FBXW10: variants seen among roughly 807,000 people sequenced by gnomAD.
FBXW10 encodes F-box and WD repeat domain containing 10, also known as F-box/WD repeat-containing protein 10.
Under a neutral mutation model 113.1 loss-of-function variants are expected in FBXW10, and 68 were observed. The ratio of observed to expected loss-of-function variants is 0.60; its 90% CI spans 0.49 to 0.74. FBXW10 has a LOEUF of 0.74. Ranked by LOEUF, FBXW10 falls within the 30% of genes least tolerant of loss-of-function variation. The pLI, the probability that FBXW10 is intolerant of heterozygous loss-of-function variation, is 0.00. For missense variants in FBXW10, 753 were observed against 1,284.5 expected, an observed-to-expected ratio of 0.59 and a Z score of 6.32; for synonymous variants, 289 against 481.6, an observed-to-expected ratio of 0.60 and a Z score of 5.24.
chr17:18,750,350 G>A lies in FBXW10; in HGVS notation c.999+213G>A, dbSNP rs2035140216. Among the ~76,000 whole-genome samples, 4 of 152,292 alleles carry A rather than the reference G, an allele frequency of 2.6e-5. No homozygotes were observed. In the South Asian group the frequency reaches 8.3e-4, roughly 32 times the overall value. Reference sequence around the variant, plus strand: ...GTCAGTGCATCTCACAAGGACAATAGGGATAGAGACCGCTCAGGAGCAGAG... The same window carrying A: ...GTCAGTGCATCTCACAAGGACAATAAGGATAGAGACCGCTCAGGAGCAGAG... On this transcript the variant is annotated intron_variant, in intron 4 of 13. Coordinates refer to ENST00000395665, the MANE Select transcript of FBXW10 (RefSeq NM_001267585.2).
intron 1 of FBXW10, among the ~76,000 whole-genome samples, chr17:18,745,603 A>T (rs1394458248): frequency 6.6e-6 from 1 of 151,760 alleles, no homozygotes; most frequent in Non-Finnish European, 1.5e-5. Context: ...TTTAGTAGAG[A>T]TGGGGTTTCA....
At chr17:18,746,825 A>G (rs1567613882) in intron 1 of FBXW10, among the ~76,000 whole-genome samples, 2 of 152,060 alleles carry the variant, frequency 1.3e-5, no homozygotes, top group African/African-American at 2.4e-5. Context: ...GCAATGCTCC[A>G]CAGTGCTCTT....
At chr17:18,770,412 T>C (rs533763506) in intron 11 of FBXW10, among the ~76,000 whole-genome samples, 7 of 152,098 alleles carry the variant, frequency 4.6e-5, no homozygotes, top group African/African-American at 1.7e-4. Context: ...CAAGCAATTC[T>C]CTGCCTCAGC....
chr17:18,762,487 A>G (rs1287551316), intron 7 of FBXW10, among the ~76,000 whole-genome samples: 2 of 149,998 alleles, frequency 1.3e-5, no homozygotes, highest in Non-Finnish European at 3.0e-5. Context: ...CCGGCGGCTA[A>G]TGTTTTTTTG....
chr17:18,751,580 A>C (rs1355958055), intron 5 of FBXW10, among the ~76,000 whole-genome samples: 1 of 152,078 alleles, frequency 6.6e-6, no homozygotes, highest in Non-Finnish European at 1.5e-5. Context: ...GGATGGGTGG[A>C]TTGATTTGGT....
chr17:18,770,004 T>C lies in FBXW10; in HGVS notation c.1925T>C (p.Phe642Ser). The change falls in exon 11 of 14, where the codon TTC becomes TCC. Residue 642 changes from phenylalanine to serine, a missense_variant. Coordinates refer to ENST00000395665, the MANE Select transcript of FBXW10 (RefSeq NM_001267585.2). ...CADGKIRIYN[F>S]LNGNCMKVLK... ...GATGGCAAGATCCGAATTTACAATT[T>C]CCTCAACGGGAACTGTATGAAGGTG... 6.2e-7 allele frequency: 1 copy of C among 1,614,194 alleles called. No homozygotes were observed. The highest frequency in any genetic ancestry group is 8.5e-7 in the Non-Finnish European group (1 of 1,180,038).
intron 7 of FBXW10, among the ~76,000 whole-genome samples, chr17:18,759,629 T>C (rs949581783): frequency 1.3e-5 from 2 of 152,062 alleles, no homozygotes; most frequent in Admixed American, 1.3e-4. Flanking sequence ...GTTTTTTTTT[T>C]TGAGATGGAG....
chr17:18,769,881 A>G, intron 10 of FBXW10, 46 bp from the exon 11 acceptor site: 1 of 1,596,366 alleles, frequency 6.3e-7, no homozygotes, highest in Non-Finnish European at 8.5e-7. Flanking sequence ...AAACCCAGGC[A>G]TTTTACGAGA....
chr17:18,778,573 C>G lies in FBXW10; in HGVS notation c.2434C>G (p.Pro812Ala). 6.2e-7 allele frequency: 1 copy of G among 1,614,032 alleles called. No homozygotes were observed. ...KKKSWKIPMS[P>A]DQFLLTVSAL... ...AAAGTCTTGGAAAATCCCTATGTCA[C>G]CTGACCAATTCCTCCTGACTGTTAG... Residue 812 changes from proline (P) to alanine (A), a missense_variant, in exon 14 of 14, where the codon CCT (proline) becomes GCT (alanine). Transcript: ENST00000395665.
Position 18,752,180 on chromosome 17 carries a change from G to A in FBXW10, c.1122+1127G>A, listed in dbSNP as rs1218193660. On this transcript the variant is annotated intron_variant, in intron 5 of 13. Coordinates refer to ENST00000395665, the MANE Select transcript of FBXW10 (RefSeq NM_001267585.2). ...GGTGACACAAAGGAGGAGACGGGTC[G>A]TGTGGGCAGTAGCGGACGGTGTGGC... Among the ~76,000 whole-genome samples, 10 of 152,232 alleles carry A rather than the reference G, an allele frequency of 6.6e-5. No homozygotes were observed. The South Asian group carries it at 1.9e-3, about 28-fold the overall frequency.
At chr17:18,754,349 T>C (rs2035222021) in intron 5 of FBXW10, among the ~76,000 whole-genome samples, 1 of 151,788 alleles carries the variant, frequency 6.6e-6, no homozygotes, top group South Asian at 2.1e-4. Context: ...GAAAACTCCC[T>C]GGACACTGGA....
At position 18,744,064 on chromosome 17, in the gene FBXW10, T is replaced by C. The variant is rs896958301; in HGVS notation, c.-181T>C. The C allele has an allele frequency of 2.2e-6, 2 of 891,404 alleles. No homozygotes were observed. The highest frequency in any genetic ancestry group is 3.3e-6 in the Non-Finnish European group (2 of 598,326). The allele number at this position is 891,404 out of a possible 1,614,324, so 55.2% of individuals were successfully genotyped here. ...TCTGTACAAAAAGCCAGACTTCTGCTGGCAGTTACTGAGAGAGATAGGCTT... is the reference window on the plus strand; with the variant it reads ...TCTGTACAAAAAGCCAGACTTCTGCCGGCAGTTACTGAGAGAGATAGGCTT... On this transcript the variant is annotated 5_prime_UTR_variant, in exon 1 of 14. Coordinates refer to ENST00000395665, the MANE Select transcript of FBXW10 (RefSeq NM_001267585.2).
At chr17:18,766,973 G>A (rs2035510000) in intron 9 of FBXW10, 111 bp downstream of exon 9, 2 of 1,145,688 alleles carry the variant, frequency 1.7e-6, no homozygotes, top group Non-Finnish European at 1.3e-6. Flanking sequence ...TGACCTTCAA[G>A]AAGGACAGTC....
At chr17:18,763,807 G>C (rs567973545) in intron 7 of FBXW10, among the ~76,000 whole-genome samples, 37 of 151,680 alleles carry the variant, frequency 2.4e-4, no homozygotes, top group Non-Finnish European at 5.2e-4. Context: ...CAGATCCACT[G>C]TACCGTGGAA....
intron 13 of FBXW10, among the ~76,000 whole-genome samples, chr17:18,776,107 TGAG>T (rs1347764104): frequency 6.6e-6 from 1 of 151,266 alleles, no homozygotes; most frequent in Non-Finnish European, 1.5e-5. Context: ...TTGCCTGAGG[TGAG>T]GAGGTCGAGA....
chr17:18,751,401 AT>A (rs1293880097), intron 5 of FBXW10, among the ~76,000 whole-genome samples: 19 of 146,532 alleles, frequency 1.3e-4, no homozygotes, highest in South Asian at 2.2e-4. Flanking sequence ...AATTTTTTGT[AT>A]TTTTTTTTTA....
At chr17:18,744,926 A>C in intron 1 of FBXW10, 177 bp downstream of exon 1, 1 of 1,451,582 alleles carries the variant, frequency 6.9e-7, no homozygotes, top group Non-Finnish European at 9.1e-7. Context: ...TTACCAAAGG[A>C]GAAATGACTG....
At chr17:18,775,066 T>A (rs553456119) in intron 12 of FBXW10, 70 bp from the exon 13 acceptor site, 1 of 983,792 alleles carries the variant, frequency 1.0e-6, no homozygotes, top group Admixed American at 1.9e-5. Context: ...CCCATTATTA[T>A]TGATTATATT....
In FBXW10 at chr17:18,751,005, C is replaced by T. The variant is rs376056941; in HGVS notation, c.1074C>T (p.Asp358=). The T allele has an allele frequency of 1.9e-5, 31 of 1,613,806 alleles. No individual in the cohort carries two copies. The highest frequency in any genetic ancestry group is 4.0e-5 in the African/African-American group (3 of 74,838). ...TCCCAGTTCCTAAAATGGTAGATGA[C>T]GGGAAGAGCATGCGTGTGAAACATC... ...VSIPVPKMVD[D]GKSMRVKHPK... Residue 358 remains aspartate, a synonymous_variant, in exon 5 of 14, where the codon GAC becomes GAT. Coordinates refer to ENST00000395665, the MANE Select transcript of FBXW10 (RefSeq NM_001267585.2).
Sources: allele counts gnomAD v4.1 joint callset (sites outside exome capture counted in the v4.1 genomes callset), GRCh38; gene constraint gnomAD v4.1.1; transcripts MANE v1.5; gene names NCBI Gene and HGNC (gene_info 2026-07-23, HGNC 2026-07-21).